The following NTM variants were observed in gnomAD, a reference collection of about 807,000 sequenced individuals.
NTM encodes the protein IgLON family member 2.
A neutral mutation model predicts 42.1 loss-of-function variants in NTM; 13 were observed. That is an observed-to-expected ratio of 0.31 (90% CI 0.20 to 0.49). The LOEUF (loss-of-function observed/expected upper bound fraction) is 0.49, where lower values mean the gene tolerates loss of function less well. Ranked by LOEUF, NTM falls within the 20% of genes least tolerant of loss-of-function variation. NTM has a pLI of 0.99. For missense variants in NTM, 373 were observed against 452.8 expected, an observed-to-expected ratio of 0.82 and a Z score of 1.60; for synonymous variants, 187 against 179.2, an observed-to-expected ratio of 1.04 and a Z score of -0.35.
In NTM at chr11:131,838,672, C is replaced by A. The variant is rs1311541444; in HGVS notation, c.83-72892C>A. 3.9e-5 allele frequency among the ~76,000 whole-genome samples: 6 copies of A among 152,098 alleles called. No individual in the cohort carries two copies. The South Asian group carries it at 1.2e-3, about 32-fold the overall frequency. On this transcript the variant is annotated intron_variant, in intron 1 of 8. Transcript: ENST00000683400. ...TTGTGTGTGCGTACAATGTCATATGCGCACTCAAACTGATCTGATAGAAGA... is the reference window on the plus strand; with the variant it reads ...TTGTGTGTGCGTACAATGTCATATGAGCACTCAAACTGATCTGATAGAAGA...
chr11:131,643,896 G>T (rs938136287), intron 1 of NTM, among the ~76,000 whole-genome samples: 1 of 152,124 alleles, frequency 6.6e-6, no homozygotes, highest in Non-Finnish European at 1.5e-5. Flanking sequence ...GTGTCCTGAG[G>T]GTACACACTA....
intron 1 of NTM, among the ~76,000 whole-genome samples, chr11:131,413,048 A>G (rs1565476483): frequency 6.6e-6 from 1 of 152,022 alleles, no homozygotes; most frequent in Non-Finnish European, 1.5e-5. Context: ...GACCTTCTGT[A>G]CCTGGTTTTG....
intron 1 of NTM, among the ~76,000 whole-genome samples, chr11:131,760,527 T>C (rs949762471): frequency 6.6e-6 from 1 of 152,302 alleles, no homozygotes; most frequent in Admixed American, 6.5e-5. Context: ...ATGGAGTCCT[T>C]AAAACATCTG....
chr11:132,209,759 T>A (rs547709213), intron 3 of NTM, among the ~76,000 whole-genome samples: 1 of 152,266 alleles, frequency 6.6e-6, no homozygotes, highest in Non-Finnish European at 1.5e-5. Context: ...TGAACAATTT[T>A]AATAGATGTG....
At chr11:131,523,440 G>A (rs1214320096) in intron 1 of NTM, among the ~76,000 whole-genome samples, 1 of 152,160 alleles carries the variant, frequency 6.6e-6, no homozygotes, top group Non-Finnish European at 1.5e-5. Flanking sequence ...AACAAGGAAG[G>A]CAGTAATGTA....
At chr11:131,873,814 C>T (rs1434259133) in intron 1 of NTM, among the ~76,000 whole-genome samples, 1 of 142,372 alleles carries the variant, frequency 7.0e-6, no homozygotes, top group Non-Finnish European at 1.5e-5. Flanking sequence ...CCCTTGCCCC[C>T]ATCCCCCAAC....
intron 2 of NTM, among the ~76,000 whole-genome samples, chr11:132,008,194 A>G (rs914109783): frequency 6.6e-6 from 1 of 152,136 alleles, no homozygotes; most frequent in African/African-American, 2.4e-5. Flanking sequence ...TCTAAGACAG[A>G]TGAGAGAACA....
intron 1 of NTM, among the ~76,000 whole-genome samples, chr11:131,856,801 A>T (rs2046145862): frequency 6.6e-6 from 1 of 152,224 alleles, no homozygotes; most frequent in African/African-American, 2.4e-5. Flanking sequence ...GAATGTCCAG[A>T]TGTGAAGCCA....
At chr11:131,595,892 AAAG>A (rs1321368528) in intron 1 of NTM, among the ~76,000 whole-genome samples, 1 of 152,240 alleles carries the variant, frequency 6.6e-6, no homozygotes, top group African/African-American at 2.4e-5. Context: ...AAAGCAGTAG[AAAG>A]AAGCCAGGGG....
In NTM at chr11:131,746,835, A is replaced by G. The variant is rs367918397; in HGVS notation, c.83-164729A>G. 9.2e-5 allele frequency among the ~76,000 whole-genome samples: 14 copies of G among 152,314 alleles called. 1 individual carries two copies. In the East Asian group the frequency reaches 1.5e-3, roughly 17 times the overall value. On this transcript the variant is annotated intron_variant, in intron 1 of 8. Coordinates refer to ENST00000683400, the MANE Select transcript of NTM (RefSeq NM_001352005.2). ...AAAAAGGCAGCGATGTCAACAAATTATTATAACAATGAGTCAGTGATACCG... is the reference window on the plus strand; with the variant it reads ...AAAAAGGCAGCGATGTCAACAAATTGTTATAACAATGAGTCAGTGATACCG...
intron 3 of NTM, among the ~76,000 whole-genome samples, chr11:132,203,870 G>A (rs1377811137): frequency 6.6e-6 from 1 of 152,042 alleles, no homozygotes; most frequent in African/African-American, 2.4e-5. Flanking sequence ...CTGCACTCCA[G>A]CCTGAGCAAT....
chr11:132,171,591 G>C (rs1005874571), intron 3 of NTM, among the ~76,000 whole-genome samples: 8 of 152,150 alleles, frequency 5.3e-5, no homozygotes, highest in African/African-American at 1.9e-4. Context: ...TTAGAGTTTA[G>C]GATGTCGATA....
chr11:132,148,670 CACCCCTGCCCTGA>C (rs1161088516), intron 3 of NTM, among the ~76,000 whole-genome samples: 1 of 152,192 alleles, frequency 6.6e-6, no homozygotes, highest in East Asian at 1.9e-4. Context: ...CACACCCCCA[CACCCCTGCCCTGA>C]ACACCTCGCA....
rs1480821272 is a variant in NTM, at chr11:131,428,146, G to A, written c.82+57258G>A. 4.6e-5 allele frequency among the ~76,000 whole-genome samples: 7 copies of A among 152,232 alleles called. No homozygotes were observed. The South Asian group carries it at 1.0e-3, about 23-fold the overall frequency. On this transcript the variant is annotated intron_variant, in intron 1 of 8. Transcript: ENST00000683400. Reference sequence around the variant, plus strand: ...CTCTCAAACTCAGTATGTAGAAAACGTTATTCTCAAACCTTCTCCTCCCCT... The same window carrying A: ...CTCTCAAACTCAGTATGTAGAAAACATTATTCTCAAACCTTCTCCTCCCCT...
intron 1 of NTM, among the ~76,000 whole-genome samples, chr11:131,649,257 C>T (rs905589254): frequency 1.3e-5 from 2 of 152,176 alleles, no homozygotes; most frequent in Admixed American, 6.5e-5. Context: ...GATTTACTTA[C>T]ATCAATTAAA....
chr11:131,897,784 T>G (rs1373470624), intron 1 of NTM, among the ~76,000 whole-genome samples: 2 of 152,162 alleles, frequency 1.3e-5, no homozygotes, highest in African/African-American at 4.8e-5. Flanking sequence ...CCTCTAAATA[T>G]TCATCAGTAA....
intron 1 of NTM, among the ~76,000 whole-genome samples, chr11:131,746,470 A>G (rs2081848771): frequency 6.6e-6 from 1 of 152,190 alleles, no homozygotes; most frequent in African/African-American, 2.4e-5. Context: ...AAGAGAAGGA[A>G]GACAGATGCT....
chr11:131,579,074 G>A (rs1841044113), intron 1 of NTM, among the ~76,000 whole-genome samples: 1 of 152,194 alleles, frequency 6.6e-6, no homozygotes, highest in Non-Finnish European at 1.5e-5. Flanking sequence ...GGAGCTTGAG[G>A]TGTTGGGCTG....
At chr11:131,645,956 A>C in intron 1 of NTM, among the ~76,000 whole-genome samples, 1 of 152,250 alleles carries the variant, frequency 6.6e-6, no homozygotes, top group East Asian at 1.9e-4. Flanking sequence ...CAAGAATCTA[A>C]AGTATGAAAC....
Sources: allele counts gnomAD v4.1 joint callset (sites outside exome capture counted in the v4.1 genomes callset), GRCh38; gene constraint gnomAD v4.1.1; transcripts MANE v1.5; gene names NCBI Gene and HGNC (gene_info 2026-07-23, HGNC 2026-07-21).